Variants in DYNC1I1 observed in about 807,000 individuals in gnomAD.
DYNC1I1 encodes cytoplasmic dynein 1 intermediate chain 1.
DYNC1I1 carries 43 observed loss-of-function variants against 86.6 expected under a neutral mutation model. That is an observed-to-expected ratio of 0.50 (90% confidence interval 0.39 to 0.64). The LOEUF (loss-of-function observed/expected upper bound fraction) is 0.64, where lower values mean the gene tolerates loss of function less well. DYNC1I1 is among the 30% of genes least tolerant of loss of function. The probability of loss-of-function intolerance (pLI) is 0.00; values close to 1 mark genes in which losing one functional copy is unlikely to be tolerated. For missense variants in DYNC1I1, 604 were observed against 788.8 expected, an observed-to-expected ratio of 0.77 and a Z score of 2.81; for synonymous variants, 262 against 283.7, an observed-to-expected ratio of 0.92 and a Z score of 0.77.
Position 96,097,426 on chromosome 7 carries a change from G to A in DYNC1I1, c.1777-57G>A, listed in dbSNP as rs955920417. The A allele has an allele frequency of 2.5e-6, 4 of 1,596,998 alleles. No homozygotes were observed. In the African/African-American group the frequency reaches 4.0e-5, roughly 16 times the overall value. ...AAAGGGACAGTCATTCAGGCTTCAAGGCTTTCAGACATGAAAGATATCTTG... is the reference window on the plus strand; with the variant it reads ...AAAGGGACAGTCATTCAGGCTTCAAAGCTTTCAGACATGAAAGATATCTTG... On this transcript the variant is annotated intron_variant, in intron 16 of 16. Transcript: ENST00000447467.
chr7:96,034,024 T>A (rs180783369), intron 12 of DYNC1I1, among the ~76,000 whole-genome samples: 214 of 149,554 alleles, frequency 1.4e-3, no homozygotes, highest in Middle Eastern at 3.4e-3. Flanking sequence ...AAAAAATAAT[T>A]ATTATTATTA....
At chr7:95,907,696 A>C (rs2116329488) in intron 6 of DYNC1I1, among the ~76,000 whole-genome samples, 1 of 151,518 alleles carries the variant, frequency 6.6e-6, no homozygotes, top group East Asian at 1.9e-4. Context: ...TTTTACCAGG[A>C]CTGTATCGGT....
chr7:95,982,979 C>T (rs988310028), intron 7 of DYNC1I1, among the ~76,000 whole-genome samples: 11 of 152,064 alleles, frequency 7.2e-5, no homozygotes, highest in African/African-American at 2.4e-4. Context: ...ATTCTTAAAC[C>T]AGACTTAAAG....
chr7:95,915,995 A>ACCTAG (rs1161647493), intron 6 of DYNC1I1, among the ~76,000 whole-genome samples: 4 of 152,204 alleles, frequency 2.6e-5, no homozygotes, highest in African/African-American at 9.6e-5. Flanking sequence ...TCAAGTAAAT[A>ACCTAG]CCTAGTTATC....
chr7:95,938,433 C>T (rs188648039), intron 6 of DYNC1I1, among the ~76,000 whole-genome samples: 1 of 152,186 alleles, frequency 6.6e-6, no homozygotes. Flanking sequence ...TGGCAGGGAG[C>T]AGGGGAAGGT....
intron 6 of DYNC1I1, among the ~76,000 whole-genome samples, chr7:95,875,881 C>A (rs990802399): frequency 1.3e-5 from 2 of 152,178 alleles, no homozygotes; most frequent in East Asian, 1.9e-4. Flanking sequence ...GGTCTCCAGA[C>A]CTTGAGTTGA....
intron 1 of DYNC1I1, among the ~76,000 whole-genome samples, chr7:95,787,292 G>A (rs150275740): frequency 1.3e-5 from 2 of 152,280 alleles, no homozygotes; most frequent in East Asian, 3.9e-4. Context: ...GCATGGCTGG[G>A]ACAGGACTAG....
intron 6 of DYNC1I1, among the ~76,000 whole-genome samples, chr7:95,910,348 A>T (rs1791300121): frequency 6.6e-6 from 1 of 152,178 alleles, no homozygotes; most frequent in African/African-American, 2.4e-5. Flanking sequence ...TCCCACCCAG[A>T]TTAACTGGCA....
Position 95,828,064 on chromosome 7 carries a change from C to A in DYNC1I1, c.322C>A (p.Gln108Lys). 1 of 1,613,776 alleles carries A rather than the reference C, an allele frequency of 6.2e-7. No individual in the cohort carries two copies. Among genetic ancestry groups the A allele is most frequent in the Non-Finnish European group, 8.5e-7 (1 of 1,179,758 alleles). Reference protein sequence around the residue: ...GDLGPLTRTLQWDTDPSVLQL... With the variant: ...GDLGPLTRTLKWDTDPSVLQL... Reference sequence around the variant, plus strand: ...TTTGTGCTGCACAATTAGGACCCTGCAGTGGGACACAGACCCCTCAGTGCT... The same window carrying A: ...TTTGTGCTGCACAATTAGGACCCTGAAGTGGGACACAGACCCCTCAGTGCT... The change falls in exon 5 of 17, where the codon CAG becomes AAG. Residue 108 changes from glutamine (Q) to lysine (K), a missense_variant. By Grantham distance (53) the Gln-to-Lys change is moderately conservative. Coordinates refer to ENST00000447467, the MANE Select transcript of DYNC1I1 (RefSeq NM_001135556.2).
chr7:95,900,733 CA>C (rs1388052021), intron 6 of DYNC1I1, among the ~76,000 whole-genome samples: 1 of 152,074 alleles, frequency 6.6e-6, no homozygotes, highest in Non-Finnish European at 1.5e-5. Flanking sequence ...TAATCTTTGC[CA>C]TCCATCCTCT....
In DYNC1I1 at chr7:95,997,583, TTGTGTGTG is replaced by T. The variant is rs34117329; in HGVS notation, c.969+1544_969+1551del. 6.9e-3 allele frequency among the ~76,000 whole-genome samples: 984 copies of T among 142,838 alleles called. 11 individuals are homozygous for T. Among genetic ancestry groups the T allele is most frequent in the African/African-American group, 0.023 (897 of 38,814 alleles). The allele number at this position is 142,838 out of a possible 152,430, so 93.7% of individuals were successfully genotyped here. A position where few individuals can be genotyped will look rare whatever the true frequency, so the allele number is the denominator to read the frequency against. On this transcript the variant is annotated intron_variant, in intron 10 of 16. Transcript: ENST00000447467. Reference sequence around the variant, plus strand: ...CTAGTATTAATTGAAAAGGGCATTCTTGTGTGTGTGTGTGTGTGTGTGTGTGTGTGTGT... The same window carrying T: ...CTAGTATTAATTGAAAAGGGCATTCTTGTGTGTGTGTGTGTGTGTGTGTGT...
At chr7:95,985,026 A>G (rs773291581) in intron 8 of DYNC1I1, 49 bp downstream of exon 8, 11 of 1,588,766 alleles carry the variant, frequency 6.9e-6, no homozygotes, top group Non-Finnish European at 9.4e-6. Flanking sequence ...GTTATCTGTT[A>G]ATTCTAATTT....
chr7:96,073,573 C>T (rs916819387), intron 14 of DYNC1I1, among the ~76,000 whole-genome samples: 2 of 152,156 alleles, frequency 1.3e-5, no homozygotes, highest in Admixed American at 6.5e-5. Context: ...AATTGTGTTA[C>T]GTGTTTAGTA....
At position 96,085,812 on chromosome 7, in the gene DYNC1I1, G is replaced by A. The variant is rs16868953; in HGVS notation, c.1776+5324G>A. On this transcript the variant is annotated intron_variant, in intron 16 of 16. Coordinates refer to ENST00000447467, the MANE Select transcript of DYNC1I1 (RefSeq NM_001135556.2). ...AAGTTTTGAGAAATCTCCAAACTAT[G>A]GCTTGCAATTTGTTTGTTTTGGATT... Among the ~76,000 whole-genome samples, 300 of 152,258 alleles carry A rather than the reference G, an allele frequency of 2.0e-3. 1 individual carries two copies. Among genetic ancestry groups the A allele is most frequent in the African/African-American group, 7.0e-3 (291 of 41,560 alleles).
At chr7:96,047,605 A>G (rs1789257109) in intron 14 of DYNC1I1, among the ~76,000 whole-genome samples, 1 of 152,230 alleles carries the variant, frequency 6.6e-6, no homozygotes, top group South Asian at 2.1e-4. Context: ...GAGTGGTTGC[A>G]GAGTGAAAAG....
chr7:95,858,610 G>A (rs1475174169), intron 5 of DYNC1I1, among the ~76,000 whole-genome samples: 1 of 151,786 alleles, frequency 6.6e-6, no homozygotes, highest in East Asian at 1.9e-4. Context: ...ACAAACATGT[G>A]TAATGTACTG....
chr7:95,785,775 GTATATATATATATATATATATATATATA>G lies in DYNC1I1; in HGVS notation c.-10+13018_-10+13045del, dbSNP rs200152096. 6.9e-3 allele frequency among the ~76,000 whole-genome samples: 863 copies of G among 124,918 alleles called. 32 individuals are homozygous for G. Among genetic ancestry groups the G allele is most frequent in the East Asian group, 0.025 (95 of 3,874 alleles). 82.0% of individuals were successfully genotyped at this position (124,918 alleles called of 152,430 possible). ...TGTATGTATATATATGTGTGTATGT[GTATATATATATATATATATATATATATA>G]TATATATATATATATTATATATAAC... On this transcript the variant is annotated intron_variant, in intron 1 of 16. Transcript: ENST00000447467.
chr7:95,914,413 C>G (rs775134612), intron 6 of DYNC1I1, among the ~76,000 whole-genome samples: 2 of 152,170 alleles, frequency 1.3e-5, no homozygotes, highest in Non-Finnish European at 2.9e-5. Flanking sequence ...AAAGAAAGCT[C>G]AAAATACACT....
At chr7:95,882,432 G>A (rs935768596) in intron 6 of DYNC1I1, among the ~76,000 whole-genome samples, 8 of 152,118 alleles carry the variant, frequency 5.3e-5, no homozygotes, top group Non-Finnish European at 1.0e-4. Flanking sequence ...TTAAAGTCCT[G>A]GATAGGAAGT....
Sources: gnomAD v4.1 joint callset for allele counts (sites outside exome capture counted in the v4.1 genomes callset) on GRCh38, gnomAD v4.1.1 for gene constraint, MANE v1.5 for transcripts, NCBI Gene and HGNC (gene_info 2026-07-23, HGNC 2026-07-21) for gene names.